The following P4HA2 variants were observed in gnomAD, a reference collection of about 807,000 sequenced individuals.
P4HA2 encodes prolyl 4-hydroxylase subunit alpha 2.
P4HA2 carries 46 observed loss-of-function variants against 76.9 expected under a neutral mutation model. That is an observed-to-expected ratio of 0.60 (90% CI 0.47 to 0.76). The LOEUF is 0.76. P4HA2 is among the 30% of genes least tolerant of loss of function. The pLI, the probability that P4HA2 is intolerant of heterozygous loss-of-function variation, is 0.00. For missense variants in P4HA2, 583 were observed against 669.4 expected, an observed-to-expected ratio of 0.87 and a Z score of 1.42; for synonymous variants, 243 against 254.0, an observed-to-expected ratio of 0.96 and a Z score of 0.41.
chr5:132,200,585 A>C (rs566198580), intron 10 of P4HA2: 1 of 152,432 alleles, frequency 6.6e-6, no homozygotes, highest in African/African-American at 2.4e-5. Context: ...ACAGAGTCTC[A>C]CTATGTTGCC....
chr5:132,203,061 GC>G (rs1751735538), intron 10 of P4HA2, among the ~76,000 whole-genome samples: 1 of 152,144 alleles, frequency 6.6e-6, no homozygotes, highest in Non-Finnish European at 1.5e-5. Context: ...AAAGAAACTA[GC>G]CCCAGCCCTG....
At chr5:132,223,615 A>G (rs1243499546) in intron 1 of P4HA2, among the ~76,000 whole-genome samples, 1 of 152,190 alleles carries the variant, frequency 6.6e-6, no homozygotes, top group Non-Finnish European at 1.5e-5. Context: ...ACACCTTCCA[A>G]TAAAGCATTA....
rs771045367 is a variant in P4HA2, at chr5:132,209,215, T to C, written c.826A>G (p.Ile276Val). The change falls in exon 7 of 15, where the codon ATC becomes GTC. Residue 276 changes from isoleucine (I) to valine (V), a missense_variant. Transcript: ENST00000360568. Reference sequence around the variant, plus strand: ...AGGTAGTCCACAGGCCTCTCATAGATGCCTTCTGGGGTTGCTAGCTCAGCT... The same window carrying C: ...AGGTAGTCCACAGGCCTCTCATAGACGCCTTCTGGGGTTGCTAGCTCAGCT... Reference protein sequence around the residue: ...TEAELATPEGIYERPVDYLPE... With the variant: ...TEAELATPEGVYERPVDYLPE... The C allele has an allele frequency of 5.6e-6, 9 of 1,613,664 alleles. No individual in the cohort carries two copies. In the South Asian group the frequency reaches 8.8e-5, roughly 16 times the overall value.
chr5:132,212,825 G>T (rs1753276940), intron 5 of P4HA2, among the ~76,000 whole-genome samples: 1 of 152,160 alleles, frequency 6.6e-6, no homozygotes. Flanking sequence ...GAACGTGAGA[G>T]GTCAACGCCA....
intron 10 of P4HA2, chr5:132,202,001 T>TAAAAAC: frequency 6.6e-6 from 1 of 152,184 alleles, no homozygotes; most frequent in South Asian, 2.1e-4. Flanking sequence ...CAGATGTCTT[T>TAAAAAC]AAAAACAAAA....
intron 1 of P4HA2, chr5:132,222,088 A>T (rs193058882): frequency 2.6e-5 from 4 of 152,386 alleles, no homozygotes; most frequent in Admixed American, 2.6e-4. Flanking sequence ...TGCAACCCAA[A>T]TGCAACAGCC....
intron 7 of P4HA2, among the ~76,000 whole-genome samples, chr5:132,208,871 G>C (rs1752620983): frequency 6.6e-6 from 1 of 152,038 alleles, no homozygotes; most frequent in South Asian, 2.1e-4. Context: ...AGTGAGTGAA[G>C]CAAAAAGTGG....
chr5:132,196,776 G>A (rs1377930244), intron 12 of P4HA2, among the ~76,000 whole-genome samples: 6 of 149,116 alleles, frequency 4.0e-5, no homozygotes, highest in South Asian at 4.2e-4. Flanking sequence ...CAGGAGAATC[G>A]CTTGAACCTG....
chr5:132,198,967 G>T (rs759423195), intron 10 of P4HA2, 35 bp from the exon 11 acceptor site: 14 of 1,419,242 alleles, frequency 9.9e-6, no homozygotes, highest in Non-Finnish European at 1.4e-5. Flanking sequence ...CTTGTAAGCA[G>T]CATGAACAGC....
At chr5:132,193,309 T>C (rs1750126497) in intron 14 of P4HA2, 1 of 447,218 alleles carries the variant, frequency 2.2e-6, no homozygotes, top group Non-Finnish European at 4.0e-6. Context: ...CAGGTTGCCA[T>C]GGGAATAGCA....
rs555175280 is a variant in P4HA2 at position 132,208,782 on chromosome 5, C to G, written c.903+356G>C. On this transcript the variant is annotated intron_variant, in intron 7 of 14. Transcript: ENST00000360568. ...GCTCTAGTACACGCTGGTGTCTTTA[C>G]CACAGAGACTTACTCTCCACTTATA... is the stretch of plus-strand genomic sequence containing the variant. 3.3e-5 allele frequency among the ~76,000 whole-genome samples: 5 copies of G among 152,100 alleles called. No homozygotes were observed. The South Asian group carries it at 1.0e-3, about 32-fold the overall frequency.
chr5:132,214,324 A>T (rs1753557702), intron 4 of P4HA2, among the ~76,000 whole-genome samples: 1 of 152,176 alleles, frequency 6.6e-6, no homozygotes, highest in Non-Finnish European at 1.5e-5. Flanking sequence ...AATATTTAGG[A>T]GTCCAGAAGT....
At chr5:132,203,915 G>C in intron 9 of P4HA2, 68 bp from the exon 10 acceptor site, 1 of 1,282,618 alleles carries the variant, frequency 7.8e-7, no homozygotes, top group Non-Finnish European at 1.1e-6. Context: ...CCTGAACTCT[G>C]TCCCCAGAGT....
intron 7 of P4HA2, among the ~76,000 whole-genome samples, chr5:132,208,272 G>A (rs778249026): frequency 3.4e-5 from 5 of 146,538 alleles, no homozygotes; most frequent in African/African-American, 5.1e-5. Flanking sequence ...CAGCCTGGGC[G>A]ACAGGGTGAG....
rs1389845366 is a variant in P4HA2 at position 132,224,720 on chromosome 5, G to C, written c.-19+3070C>G. ...CAATGTTCTCTAGCAAAAGGCGGGG[G>C]ATTGGACCAATACTCTAGGAACTCA... On this transcript the variant is annotated intron_variant, in intron 1 of 14. Coordinates refer to ENST00000360568, the MANE Select transcript of P4HA2 (RefSeq NM_001017974.2). Among the ~76,000 whole-genome samples, 6 of 152,082 alleles carry C rather than the reference G, an allele frequency of 3.9e-5. No individual in the cohort carries two copies. In the East Asian group the frequency reaches 1.2e-3, roughly 29 times the overall value.
chr5:132,217,769 C>T lies in P4HA2; in HGVS notation c.162G>A (p.Lys54=), dbSNP rs986237360. 6.2e-7 allele frequency: 1 copy of T among 1,608,010 alleles called. No homozygotes were observed. Among genetic ancestry groups the T allele is most frequent in the African/African-American group, 1.3e-5 (1 of 74,942 alleles). The change falls in exon 3 of 15, where the codon AAG becomes AAA. Residue 54 remains lysine (K), a synonymous_variant. Transcript: ENST00000360568. ...TAGGACACCTCTTAATCTTGGAAAG[C>T]TTGGCTTCCTCCACAAGGATGTACT... ...LKEYILVEEA[K]LSKIKSWANK... is the part of the protein sequence containing the mutation.
chr5:132,213,082 G>C (rs529422930), intron 5 of P4HA2, among the ~76,000 whole-genome samples: 1 of 152,328 alleles, frequency 6.6e-6, no homozygotes, highest in Admixed American at 6.5e-5. Flanking sequence ...GGCCACTTGA[G>C]AGAAAATGAC....
intron 14 of P4HA2, chr5:132,193,602 A>C (rs1305627441): frequency 6.6e-6 from 1 of 152,194 alleles, no homozygotes; most frequent in Non-Finnish European, 1.5e-5. Context: ...TATTACTGGG[A>C]GGTGGCAGGT....
intron 8 of P4HA2, among the ~76,000 whole-genome samples, chr5:132,204,903 GGGACTC>G (rs2126566444): frequency 6.6e-6 from 1 of 152,336 alleles, no homozygotes; most frequent in Admixed American, 6.5e-5. Context: ...AACCCCAAGG[GGGACTC>G]GCCGCCCAGA....
Sources: allele counts gnomAD v4.1 joint callset (sites outside exome capture counted in the v4.1 genomes callset), GRCh38; gene constraint gnomAD v4.1.1; transcripts MANE v1.5; gene names NCBI Gene and HGNC (gene_info 2026-07-23, HGNC 2026-07-21).